Variants in LYST observed in about 807,000 individuals in gnomAD.
LYST encodes lysosomal-trafficking regulator.
A neutral mutation model predicts 413.6 loss-of-function variants in LYST; 192 were observed. The observed-to-expected ratio is 0.46, with a 90% CI of 0.41 to 0.52. LYST has a LOEUF of 0.52. Ranked by LOEUF, LYST falls within the 20% of genes least tolerant of loss-of-function variation. The pLI is 0.00. For missense variants in LYST, 3,815 were observed against 4,499.9 expected, an observed-to-expected ratio of 0.85 and a Z score of 4.35; for synonymous variants, 1,525 against 1,567.3, an observed-to-expected ratio of 0.97 and a Z score of 0.64.
intron 1 of LYST, among the ~76,000 whole-genome samples, chr1:235,860,363 G>T (rs759132001): frequency 6.6e-6 from 1 of 152,058 alleles, no homozygotes; most frequent in Admixed American, 6.6e-5. Context: ...ATCACCCAAA[G>T]TCCACAGTTT....
intron 45 of LYST, among the ~76,000 whole-genome samples, chr1:235,702,387 A>G (rs1037450357): frequency 3.9e-5 from 6 of 152,210 alleles, no homozygotes; most frequent in Non-Finnish European, 8.8e-5. Flanking sequence ...ATGCATGTGT[A>G]CACTGGCACA....
intron 37 of LYST, 145 bp downstream of exon 37, chr1:235,729,451 A>T: frequency 1.5e-6 from 1 of 677,468 alleles, no homozygotes; most frequent in Non-Finnish European, 2.7e-6. Context: ...ATGCAATTAC[A>T]TATAATGTTA....
intron 3 of LYST, among the ~76,000 whole-genome samples, chr1:235,826,346 T>C (rs1316328987): frequency 1.3e-5 from 2 of 152,218 alleles, no homozygotes; most frequent in Non-Finnish European, 2.9e-5. Flanking sequence ...AGCAGCTTTA[T>C]TCATAATAGC....
At position 235,803,041 on chromosome 1, in the gene LYST, C is replaced by T; in HGVS notation, c.3579G>A (p.Leu1193=). Residue 1193 remains leucine, a synonymous_variant, in exon 8 of 53, where the codon TTG becomes TTA. Coordinates refer to ENST00000389793, the MANE Select transcript of LYST (RefSeq NM_000081.4). ...TEKSHQSAEE[L]SSQPGDFSEE... is the part of the protein sequence containing the mutation. Reference sequence around the variant, plus strand: ...CTGAAAAATCACCAGGCTGGGATGACAATTCTTCTGCAGATTGATGACTCT... The same window carrying T: ...CTGAAAAATCACCAGGCTGGGATGATAATTCTTCTGCAGATTGATGACTCT... 6.2e-7 allele frequency: 1 copy of T among 1,613,030 alleles called. No homozygotes were observed. The highest frequency in any genetic ancestry group is 8.5e-7 in the Non-Finnish European group (1 of 1,179,666).
chr1:235,713,118 T>C, intron 42 of LYST: 2 of 985,378 alleles, frequency 2.0e-6, no homozygotes, highest in Non-Finnish European at 2.4e-6. Context: ...CTGTCACTTG[T>C]ATTACTTTCT....
intron 31 of LYST, chr1:235,737,446 G>C (rs183223255): frequency 6.6e-6 from 1 of 152,242 alleles, no homozygotes. Context: ...CAACCCAGGA[G>C]AAATAAACAT....
intron 16 of LYST, among the ~76,000 whole-genome samples, chr1:235,777,547 A>G (rs1281668975): frequency 1.3e-5 from 2 of 152,216 alleles, no homozygotes; most frequent in Non-Finnish European, 2.9e-5. Flanking sequence ...GTTGAGAAGG[A>G]TTCCAGCTTT....
intron 3 of LYST, among the ~76,000 whole-genome samples, chr1:235,819,998 C>A (rs776316353): frequency 6.6e-6 from 1 of 152,226 alleles, no homozygotes; most frequent in Admixed American, 6.5e-5. Flanking sequence ...CTGTGTTACA[C>A]CTTTATAAAA....
At position 235,747,147 on chromosome 1, in the gene LYST, GCATTCCTGCAC is replaced by G. The variant is rs1357669657; in HGVS notation, c.7781-631_7781-621del. 4.6e-5 allele frequency: 17 copies of G among 371,902 alleles called. No homozygotes were observed. The East Asian group carries it at 1.2e-3, about 27-fold the overall frequency. 23.0% of individuals were successfully genotyped at this position (371,902 alleles called of 1,614,324 possible). A position where few individuals can be genotyped will look rare whatever the true frequency, so the allele number is the denominator to read the frequency against. On this transcript the variant is annotated intron_variant, in intron 28 of 52. Transcript: ENST00000389793. ...TCCTCAGACTGAACAGAGAGGAGTG[GCATTCCTGCAC>G]CATTACTGCACCTGCTCCAGGAGGT... is the stretch of plus-strand genomic sequence containing the variant.
At position 235,809,498 on chromosome 1, in the gene LYST, A is replaced by G. The variant is rs1572338034; in HGVS notation, c.1320T>C (p.His440=). The change falls in exon 5 of 53, where the codon CAT becomes CAC. Residue 440 remains histidine (H), a synonymous_variant. Coordinates refer to ENST00000389793, the MANE Select transcript of LYST (RefSeq NM_000081.4). The surrounding 1 kb of genome is among the most constrained non-coding windows in gnomAD (Gnocchi z 4.0). ...CTGCTGTTTCAAATAAATTAAATCC[A>G]TGATGCTGAATGAATTCTTGAACCA... ...MDLVQEFIQH[H]GFNLFETAVL... is the part of the protein sequence containing the mutation. 1 of 1,614,094 alleles carries G rather than the reference A, an allele frequency of 6.2e-7. No homozygotes were observed. The highest frequency in any genetic ancestry group is 1.3e-5 in the African/African-American group (1 of 75,044).
upstream of LYST, among the ~76,000 whole-genome samples, chr1:235,868,178 CT>C (rs58846659): frequency 2.1e-3 from 306 of 147,146 alleles, no homozygotes; most frequent in African/African-American, 5.7e-3. Flanking sequence ...TATTTTTTAT[CT>C]TTTTTTTTTT....
chr1:235,776,097 C>G (rs1467565714), intron 17 of LYST, among the ~76,000 whole-genome samples: 1 of 152,002 alleles, frequency 6.6e-6, no homozygotes. Context: ...CATTTTGAAA[C>G]TATACGATGG....
rs981727599 is a variant in LYST at position 235,686,737 on chromosome 1, C to T, written c.10800+212G>A. Reference sequence around the variant, plus strand: ...ACAAAACAGATCTAACTCAAAATACCGTCTCTGAAAAAAAATGGGACTACT... The same window carrying T: ...ACAAAACAGATCTAACTCAAAATACTGTCTCTGAAAAAAAATGGGACTACT... On this transcript the variant is annotated intron_variant, in intron 48 of 52. Coordinates refer to ENST00000389793, the MANE Select transcript of LYST (RefSeq NM_000081.4). This position sits in a 1 kb window ranked among gnomAD's most constrained non-coding sequence, Gnocchi z 4.0. Among the ~76,000 whole-genome samples, 3 of 151,950 alleles carry T rather than the reference C, an allele frequency of 2.0e-5. No individual in the cohort carries two copies. The highest frequency in any genetic ancestry group is 4.2e-4 in the South Asian group (2 of 4,812).
At chr1:235,710,937 G>C (rs1227474449) in intron 43 of LYST, among the ~76,000 whole-genome samples, 1 of 152,154 alleles carries the variant, frequency 6.6e-6, no homozygotes, top group Non-Finnish European at 1.5e-5. Flanking sequence ...CATGAAGAGA[G>C]GGTGATGTGC....
At chr1:235,873,151 C>T (rs1273602242) in intron 1 of LYST, among the ~76,000 whole-genome samples, 1 of 152,148 alleles carries the variant, frequency 6.6e-6, no homozygotes, top group Admixed American at 6.5e-5. Context: ...AGGCACCAAA[C>T]TTTGGGGTAT....
intron 22 of LYST, among the ~76,000 whole-genome samples, chr1:235,760,430 GTTTC>G (rs1187054908): frequency 6.6e-6 from 1 of 152,146 alleles, no homozygotes; most frequent in African/African-American, 2.4e-5. Flanking sequence ...AGTGAGAATA[GTTTC>G]TTTTCTTGTC....
At chr1:235,861,090 G>A (rs1679812376) in intron 1 of LYST, among the ~76,000 whole-genome samples, 1 of 152,038 alleles carries the variant, frequency 6.6e-6, no homozygotes, top group Admixed American at 6.5e-5. Flanking sequence ...TTTTAAAGAT[G>A]AGTGGCAGTA....
chr1:235,852,365 G>A (rs948442296), intron 1 of LYST, among the ~76,000 whole-genome samples: 17 of 152,154 alleles, frequency 1.1e-4, no homozygotes, highest in African/African-American at 3.9e-4. Flanking sequence ...AAAGCCATTT[G>A]TGGTAGCTCC....
chr1:235,725,310 T>G (rs763779196), intron 38 of LYST, among the ~76,000 whole-genome samples: 1 of 152,046 alleles, frequency 6.6e-6, no homozygotes, highest in Admixed American at 6.6e-5. Context: ...GGCAGGCACC[T>G]GTAGTTCCAG....
Sources: gnomAD v4.1 joint callset for allele counts (sites outside exome capture counted in the v4.1 genomes callset) on GRCh38, gnomAD v4.1.1 for gene constraint, Gnocchi (gnomAD v3.1) non-coding constraint, MANE v1.5 for transcripts, NCBI Gene and HGNC (gene_info 2026-07-23, HGNC 2026-07-21) for gene names.